GRK1: variants seen among roughly 807,000 people sequenced by gnomAD.
GRK1 encodes G protein-coupled receptor kinase 1, also known as rhodopsin kinase GRK1.
Under a neutral mutation model 41.7 loss-of-function variants are expected in GRK1, and 28 were observed. The observed-to-expected ratio is 0.67, with a 90% CI of 0.50 to 0.92. The LOEUF (loss-of-function observed/expected upper bound fraction) is 0.92, where lower values mean the gene tolerates loss of function less well. Among genes scored for constraint, GRK1 ranks in the 40% least tolerant of loss-of-function variants. GRK1 has a pLI of 0.00. For synonymous variants in GRK1, 327 were observed against 286.7 expected (o/e 1.14, Z -1.42); for missense variants, 703 against 671.2 (o/e 1.05, Z -0.52).
At position 113,669,794 on chromosome 13, in the gene GRK1, C is replaced by G. The variant is rs1298400453; in HGVS notation, c.807C>G (p.Ile269Met). ...TKADLCLVMT[I>M]MNGGDIRYHI... The stretch of plus-strand genomic sequence containing the variant: ...CCGACCTCTGTCTGGTGATGACCAT[C>G]ATGAACGGAGGTGACATCAGGTAAG... The change falls in exon 2 of 7, where the codon ATC becomes ATG. Residue 269 changes from isoleucine to methionine, a missense_variant. By Grantham distance (10) the Ile-to-Met change is conservative (BLOSUM62 1). Transcript: ENST00000335678. 1 of 1,613,852 alleles carries G rather than the reference C, an allele frequency of 6.2e-7. No individual in the cohort carries two copies. Among genetic ancestry groups the G allele is most frequent in the East Asian group, 2.2e-5 (1 of 44,890 alleles).
At chr13:113,650,313 T>A in the GRK1 span, 4 of 1,258,312 alleles carry the variant, frequency 3.2e-6, no homozygotes, top group Non-Finnish European at 4.6e-6. This position sits in a 1 kb window ranked among gnomAD's most constrained non-coding sequence, Gnocchi z 5.0. Context: ...TTTGTTTCAT[T>A]TTTCTACATG....
At position 113,733,814 on chromosome 13, in the gene GRK1, C is replaced by T. The variant is rs1273861773; in HGVS notation, c.1396+729C>T. On this transcript the variant is annotated intron_variant, in intron 6 of 6. Transcript: ENST00000335678. ...GTGTGTATGTGTATCTGTGTGCATA[C>T]GTGTGTGCGTGTGTGTGCACGTGCG... is the stretch of plus-strand genomic sequence containing the variant. 2.3e-4 allele frequency among the ~76,000 whole-genome samples: 20 copies of T among 88,726 alleles called. 1 individual carries two copies. Among genetic ancestry groups the T allele is most frequent in the Admixed American group, 8.1e-4 (7 of 8,688 alleles). The allele number at this position is 88,726 out of a possible 152,430, so 58.2% of individuals were successfully genotyped here.
At chr13:113,733,908 TA>T (rs2049974688) in intron 6 of GRK1, among the ~76,000 whole-genome samples, 1 of 109,424 alleles carries the variant, frequency 9.1e-6, no homozygotes, top group African/African-American at 4.2e-5. Flanking sequence ...TATGTGTGCA[TA>T]CAGTGTGCGT....
At chr13:113,651,824 G>C in the GRK1 span, 1 of 1,444,424 alleles carries the variant, frequency 6.9e-7, no homozygotes, top group East Asian at 2.5e-5. Flanking sequence ...GCCGGCCCCA[G>C]CCTGGGCTTT....
At chr13:113,650,492 G>A in the GRK1 span, 2 of 1,612,866 alleles carry the variant, frequency 1.2e-6, no homozygotes, top group Non-Finnish European at 1.7e-6. This position sits in a 1 kb window ranked among gnomAD's most constrained non-coding sequence, Gnocchi z 5.0. Context: ...GGCTGGCCGA[G>A]CTCGCGGGGC....
chr13:113,733,121 G>A, intron 6 of GRK1, 36 bp downstream of exon 6: 1 of 1,515,678 alleles, frequency 6.6e-7, no homozygotes, highest in Non-Finnish European at 8.8e-7. Flanking sequence ...AGAGGGTGGG[G>A]TTCTGTGCTG....
chr13:113,651,785 A>G, the GRK1 span: 9 of 1,583,096 alleles, frequency 5.7e-6, no homozygotes, highest in Middle Eastern at 1.7e-4. Context: ...TGTGAGGTGC[A>G]CGGCACCCAC....
chr13:113,652,121 G>A, the GRK1 span, among the ~76,000 whole-genome samples: 9 of 152,278 alleles, frequency 5.9e-5, no homozygotes, highest in South Asian at 6.2e-4. Context: ...TGGCCCACCC[G>A]GGCCTTCAGC....
intron 4 of GRK1, among the ~76,000 whole-genome samples, chr13:113,730,596 C>T (rs1261907108): frequency 4.0e-5 from 6 of 151,134 alleles, no homozygotes; most frequent in Admixed American, 6.6e-5. Flanking sequence ...CCCGTGGCTG[C>T]GCCCAGAGCC....
chr13:113,728,580 G>C (rs964424951), intron 4 of GRK1, among the ~76,000 whole-genome samples: 1 of 152,174 alleles, frequency 6.6e-6, no homozygotes, highest in Non-Finnish European at 1.5e-5. Flanking sequence ...TGGAGCAAGT[G>C]CTGTGCTCAT....
the GRK1 span, chr13:113,653,120 C>T: frequency 6.4e-7 from 1 of 1,572,280 alleles, no homozygotes; most frequent in Non-Finnish European, 8.6e-7. Flanking sequence ...GGCCCTGACG[C>T]CTGGCTGCCC....
At chr13:113,733,835 G>GTT (rs2049970076) in intron 6 of GRK1, among the ~76,000 whole-genome samples, 2 of 134,654 alleles carry the variant, frequency 1.5e-5, no homozygotes, top group Admixed American at 7.1e-5. Flanking sequence ...GTGTGTGCAC[G>GTT]TGCGTGTGCA....
chr13:113,652,917 C>T, the GRK1 span: 35 of 1,614,064 alleles, frequency 2.2e-5, no homozygotes, highest in African/African-American at 5.3e-5. Context: ...TCTTCAAAGC[C>T]GAAGTTGGGA....
chr13:113,731,945 A>G lies in GRK1; in HGVS notation c.1194+602A>G, dbSNP rs966395611. ...CTGCTCTGAATGTCCCGGAGTGTGG[A>G]CACCTAGTGGGGCTGCTGGGTCTCC... On this transcript the variant is annotated intron_variant, in intron 5 of 6. Coordinates refer to ENST00000335678, the MANE Select transcript of GRK1 (RefSeq NM_002929.3). This position sits in a 1 kb window ranked among gnomAD's most constrained non-coding sequence, Gnocchi z 5.6. Among the ~76,000 whole-genome samples, 1 of 152,152 alleles carries G rather than the reference A, an allele frequency of 6.6e-6. No individual in the cohort carries two copies. Among genetic ancestry groups the G allele is most frequent in the Non-Finnish European group, 1.5e-5 (1 of 68,016 alleles).
the GRK1 span, chr13:113,650,652 G>A: frequency 8.1e-5 from 49 of 601,604 alleles, no homozygotes; most frequent in East Asian, 1.4e-3. This position sits in a 1 kb window ranked among gnomAD's most constrained non-coding sequence, Gnocchi z 5.0. Flanking sequence ...TAAATCAGAT[G>A]CAATCTTTCT....
intron 6 of GRK1, among the ~76,000 whole-genome samples, chr13:113,733,646 TGCATAC>T (rs2049958771): frequency 7.4e-6 from 1 of 135,982 alleles, no homozygotes; most frequent in Non-Finnish European, 1.5e-5. Flanking sequence ...CATGTATGTG[TGCATAC>T]GTGTGTGTGC....
At chr13:113,733,509 A>G (rs2049953502) in intron 6 of GRK1, among the ~76,000 whole-genome samples, 1 of 121,866 alleles carries the variant, frequency 8.2e-6, no homozygotes, top group African/African-American at 4.1e-5. Context: ...ATGTGTGTGC[A>G]CGTGTGTGTG....
intron 4 of GRK1, among the ~76,000 whole-genome samples, chr13:113,724,643 G>A (rs2049878818): frequency 1.3e-5 from 2 of 152,254 alleles, no homozygotes; most frequent in South Asian, 4.1e-4. Flanking sequence ...CCATCTGGAT[G>A]TGGGATTCCG....
the GRK1 span, among the ~76,000 whole-genome samples, chr13:113,652,301 G>A: frequency 8.5e-5 from 13 of 152,356 alleles, no homozygotes; most frequent in African/African-American, 2.6e-4. Context: ...ACGGGGACCC[G>A]TGAGGTGTAG....
Sources: allele counts gnomAD v4.1 joint callset (sites outside exome capture counted in the v4.1 genomes callset), GRCh38; gene constraint gnomAD v4.1.1; non-coding constraint Gnocchi (gnomAD v3.1); transcripts MANE v1.5; gene names NCBI Gene and HGNC (gene_info 2026-07-23, HGNC 2026-07-21).